Variants in TNFRSF11A observed in about 807,000 individuals in gnomAD.
TNFRSF11A encodes tumor necrosis factor receptor superfamily member 11A.
TNFRSF11A carries 32 observed loss-of-function variants against 55.7 expected under a neutral mutation model. That is an observed-to-expected ratio of 0.57 (90% CI 0.43 to 0.77). TNFRSF11A has a LOEUF of 0.77. TNFRSF11A is among the 30% of genes least tolerant of loss of function. TNFRSF11A has a pLI of 0.00. For synonymous variants in TNFRSF11A, 311 were observed against 331.0 expected (o/e 0.94, Z 0.65); for missense variants, 753 against 809.8 (o/e 0.93, Z 0.85).
chr18:62,349,680 G>C (rs1479400319), intron 2 of TNFRSF11A, 132 bp from the exon 3 acceptor site: 4 of 1,014,378 alleles, frequency 3.9e-6, no homozygotes, highest in Non-Finnish European at 6.1e-6. Flanking sequence ...TCTTTGGGGG[G>C]TGTCCTGGGA....
chr18:62,331,970 C>G (rs1325983128), intron 1 of TNFRSF11A, among the ~76,000 whole-genome samples: 2 of 152,232 alleles, frequency 1.3e-5, no homozygotes, highest in Non-Finnish European at 2.9e-5. Context: ...ACTGTAAAAA[C>G]CACCCTTTTA....
intron 1 of TNFRSF11A, among the ~76,000 whole-genome samples, chr18:62,327,035 T>G (rs906492725): frequency 7.2e-6 from 1 of 138,222 alleles, no homozygotes. Flanking sequence ...AAAACAGATT[T>G]TGGGGCGGGT....
chr18:62,345,937 G>A (rs1368456856), intron 1 of TNFRSF11A, among the ~76,000 whole-genome samples: 3 of 152,166 alleles, frequency 2.0e-5, no homozygotes, highest in Non-Finnish European at 1.5e-5. Flanking sequence ...TGGGTTGAAT[G>A]AATCGCAGCC....
intron 9 of TNFRSF11A, among the ~76,000 whole-genome samples, chr18:62,373,475 A>G (rs1017359040): frequency 2.0e-5 from 3 of 152,156 alleles, no homozygotes; most frequent in African/African-American, 4.8e-5. Flanking sequence ...AAAGAAAAGA[A>G]AAAAGGGAAT....
Position 62,331,471 on chromosome 18 carries a change from G to A in TNFRSF11A, c.75+6044G>A, listed in dbSNP as rs780848715. 2.6e-5 allele frequency among the ~76,000 whole-genome samples: 4 copies of A among 152,276 alleles called. No homozygotes were observed. In the East Asian group the frequency reaches 7.7e-4, roughly 29 times the overall value. ...GCAGAGACAAAGTTCATTAGACCCT[G>A]TAGAGGCAAACATGGTAAAAGCCCC... On this transcript the variant is annotated intron_variant, in intron 1 of 9. Coordinates refer to ENST00000586569, the MANE Select transcript of TNFRSF11A (RefSeq NM_003839.4).
chr18:62,328,600 C>T (rs973914281), intron 1 of TNFRSF11A, among the ~76,000 whole-genome samples: 9 of 152,120 alleles, frequency 5.9e-5, no homozygotes, highest in Admixed American at 4.6e-4. Context: ...GGCCCTGGAG[C>T]GCCCATGGGG....
At chr18:62,361,571 C>T in intron 6 of TNFRSF11A, 109 bp from the exon 7 acceptor site, 2 of 1,109,168 alleles carry the variant, frequency 1.8e-6, no homozygotes, top group Admixed American at 3.4e-5. Flanking sequence ...CTTCTGCTAT[C>T]CCAGACCAAC....
chr18:62,384,426 C>T (rs1186179548), intron 9 of TNFRSF11A, among the ~76,000 whole-genome samples: 2 of 140,440 alleles, frequency 1.4e-5, no homozygotes, highest in Non-Finnish European at 3.1e-5. Context: ...CCTTCCTCTT[C>T]CTCCACCCTT....
At chr18:62,361,600 T>C in intron 6 of TNFRSF11A, 80 bp from the exon 7 acceptor site, 1 of 1,370,420 alleles carries the variant, frequency 7.3e-7, no homozygotes, top group Non-Finnish European at 1.0e-6. Flanking sequence ...TTCTGAGGTT[T>C]GATTTACCGG....
At chr18:62,356,895 T>C (rs58112300) in intron 4 of TNFRSF11A, among the ~76,000 whole-genome samples, 18,667 of 152,194 alleles carry the variant, frequency 0.12, 2,675 homozygotes, top group African/African-American at 0.33. Flanking sequence ...CTAAGAGTCA[T>C]ATGGAAGTCA....
chr18:62,376,924 T>C (rs1338260520), intron 9 of TNFRSF11A, among the ~76,000 whole-genome samples: 1 of 152,234 alleles, frequency 6.6e-6, no homozygotes, highest in Non-Finnish European at 1.5e-5. Flanking sequence ...TTTTCTTTTT[T>C]TATTTTTTCA....
At chr18:62,347,999 C>A (rs753049955) in intron 1 of TNFRSF11A, among the ~76,000 whole-genome samples, 169 bp from the exon 2 acceptor site, 1 of 145,998 alleles carries the variant, frequency 6.8e-6, no homozygotes, top group South Asian at 2.2e-4. Context: ...GTAGAGGTTG[C>A]GGTGAACTGA....
At chr18:62,368,308 A>G (rs1247699944) in intron 8 of TNFRSF11A, among the ~76,000 whole-genome samples, 1 of 152,190 alleles carries the variant, frequency 6.6e-6, no homozygotes, top group Non-Finnish European at 1.5e-5. Flanking sequence ...GTAGTTTCAG[A>G]ATTACTAGAG....
chr18:62,367,314 T>C (rs1910162096), intron 8 of TNFRSF11A: 1 of 164,250 alleles, frequency 6.1e-6, no homozygotes, highest in Non-Finnish European at 1.3e-5. Context: ...ATGTCATTTT[T>C]TTTAGTACCA....
At chr18:62,345,097 A>T (rs1419584180) in intron 1 of TNFRSF11A, among the ~76,000 whole-genome samples, 1 of 152,196 alleles carries the variant, frequency 6.6e-6, no homozygotes, top group Non-Finnish European at 1.5e-5. Flanking sequence ...AGTTACAAGC[A>T]TGGGGCTGCA....
intron 1 of TNFRSF11A, among the ~76,000 whole-genome samples, chr18:62,346,162 C>T (rs1600371106): frequency 2.0e-5 from 3 of 152,146 alleles, no homozygotes; most frequent in Non-Finnish European, 4.4e-5. Flanking sequence ...GTGGCTGCCC[C>T]CTTAGGGGAT....
rs558424490 is a variant in TNFRSF11A, at chr18:62,342,138, C to T, written c.76-6030C>T. Among the ~76,000 whole-genome samples, 111 of 151,926 alleles carry T rather than the reference C, an allele frequency of 7.3e-4. 1 individual carries two copies. The South Asian group carries it at 0.021, about 29-fold the overall frequency. On this transcript the variant is annotated intron_variant, in intron 1 of 9. Transcript: ENST00000586569. The stretch of plus-strand genomic sequence containing the variant: ...TGTGCAGACTGGGTGTGGTGTCTCA[C>T]GCCTGTAATCCCAGCACTTTGGGAG...
At chr18:62,376,463 A>C (rs79731398) in intron 9 of TNFRSF11A, among the ~76,000 whole-genome samples, 2,448 of 152,134 alleles carry the variant, frequency 0.016, 59 homozygotes, top group African/African-American at 0.057. Flanking sequence ...TTTTTAATGT[A>C]GACTATTTTT....
Position 62,368,879 on chromosome 18 carries a change from G to A in TNFRSF11A, c.962G>A (p.Gly321Asp), listed in dbSNP as rs755652460. ...TCVGGGPYAQ[G>D]EDARMLSLVS... ...GTAGGAGGTGGTCCCTACGCACAAGGCGAAGATGCCAGGATGCTCTCATTG... is the reference window on the plus strand; with the variant it reads ...GTAGGAGGTGGTCCCTACGCACAAGACGAAGATGCCAGGATGCTCTCATTG... The change falls in exon 9 of 10, where the codon GGC becomes GAC. Residue 321 changes from glycine to aspartate, a missense_variant. Coordinates refer to ENST00000586569, the MANE Select transcript of TNFRSF11A (RefSeq NM_003839.4). 3 of 1,614,064 alleles carry A rather than the reference G, an allele frequency of 1.9e-6. No homozygotes were observed. Among genetic ancestry groups the A allele is most frequent in the Non-Finnish European group, 2.5e-6 (3 of 1,180,026 alleles).
Sources: gnomAD v4.1 joint callset for allele counts (sites outside exome capture counted in the v4.1 genomes callset) on GRCh38, gnomAD v4.1.1 for gene constraint, MANE v1.5 for transcripts, NCBI Gene and HGNC (gene_info 2026-07-23, HGNC 2026-07-21) for gene names.